The following JARID2 variants were observed in gnomAD, a reference collection of about 807,000 sequenced individuals.
The protein encoded by JARID2 is jumonji and AT-rich interaction domain containing 2, also known as protein Jumonji.
Under a neutral mutation model 125.6 loss-of-function variants are expected in JARID2, and 21 were observed. The observed-to-expected ratio is 0.17, with a 90% CI of 0.12 to 0.24. JARID2 has a LOEUF of 0.24. JARID2 is among the 10% of genes least tolerant of loss of function. JARID2 has a pLI of 1.00. For missense variants in JARID2, 1,303 were observed against 1,639.6 expected (o/e 0.79, Z 3.55); for synonymous variants, 736 against 661.6 (o/e 1.11, Z -1.73).
At chr6:15,501,546 G>A (rs1018809822) in intron 8 of JARID2, 137 bp downstream of exon 8, 3 of 748,458 alleles carry the variant, frequency 4.0e-6, no homozygotes, top group Non-Finnish European at 2.1e-6. Context: ...ACTGTGCTGG[G>A]TGATAGCGCT....
intron 3 of JARID2, among the ~76,000 whole-genome samples, chr6:15,423,111 T>C (rs577775154): frequency 1.3e-5 from 2 of 152,048 alleles, no homozygotes; most frequent in East Asian, 3.9e-4. Context: ...GTGATCCTCC[T>C]GTCTCAGCCT....
chr6:15,496,637 G>T lies in JARID2; in HGVS notation c.1412G>T (p.Gly471Val). The change falls in exon 7 of 18, where the codon GGC becomes GTC. Residue 471 changes from glycine to valine, a missense_variant. Coordinates refer to ENST00000341776, the MANE Select transcript of JARID2 (RefSeq NM_004973.4). ...GCGGCTGGCCCCGCCGAAGGCCCTGGCAAGAAGGCCCCGGCCGAGAGAGGT... is the reference window on the plus strand; with the variant it reads ...GCGGCTGGCCCCGCCGAAGGCCCTGTCAAGAAGGCCCCGGCCGAGAGAGGT... ...KGAAGPAEGP[G>V]KKAPAERGLL... 2 of 1,610,832 alleles carry T rather than the reference G, an allele frequency of 1.2e-6. No homozygotes were observed. Among genetic ancestry groups the T allele is most frequent in the Non-Finnish European group, 1.7e-6 (2 of 1,179,274 alleles).
intron 1 of JARID2, among the ~76,000 whole-genome samples, chr6:15,343,989 C>T (rs893447597): frequency 8.5e-5 from 13 of 152,130 alleles, no homozygotes; most frequent in African/African-American, 2.2e-4. Flanking sequence ...GGAGAGGACC[C>T]GGACCTGAGA....
chr6:15,395,174 G>T (rs1357051622), intron 2 of JARID2, among the ~76,000 whole-genome samples: 1 of 152,114 alleles, frequency 6.6e-6, no homozygotes, highest in Non-Finnish European at 1.5e-5. Context: ...TCTTTTGAAA[G>T]ATTTTATCAG....
chr6:15,453,519 G>A (rs992132550), intron 4 of JARID2, among the ~76,000 whole-genome samples: 12 of 152,166 alleles, frequency 7.9e-5, no homozygotes, highest in Non-Finnish European at 1.3e-4. Context: ...CTGATCATTC[G>A]ACTGTGGTGG....
chr6:15,497,000 C>T lies in JARID2; in HGVS notation c.1775C>T (p.Pro592Leu), dbSNP rs1377188510. The T allele has an allele frequency of 6.2e-7, 1 of 1,614,042 alleles. No homozygotes were observed. The highest frequency in any genetic ancestry group is 1.7e-5 in the Admixed American group (1 of 60,020). The change falls in exon 7 of 18, where the codon CCT (proline) becomes CTT (leucine). Residue 592 changes from proline to leucine, a missense_variant. Transcript: ENST00000341776. ...TTCGGGATGTGCAGGGTGATCCCCC[C>T]TCCGGACTGGCGGCCCGAGTGCAAG... ...EKFGMCRVIPPPDWRPECKLN... is the reference protein window; with the variant it reads ...EKFGMCRVIPLPDWRPECKLN...
At chr6:15,410,022 C>T (rs776382205) in intron 2 of JARID2, among the ~76,000 whole-genome samples, 22 of 152,178 alleles carry the variant, frequency 1.4e-4, no homozygotes, top group Non-Finnish European at 2.4e-4. Flanking sequence ...TTGTTTCCCT[C>T]TTAGGCATTT....
At chr6:15,493,815 A>ACT (rs1348815440) in intron 6 of JARID2, among the ~76,000 whole-genome samples, 2 of 152,258 alleles carry the variant, frequency 1.3e-5, no homozygotes, top group Admixed American at 6.5e-5. Context: ...TGCATTCCTC[A>ACT]CTATACCTCC....
chr6:15,461,182 C>T lies in JARID2; in HGVS notation c.494-7360C>T, dbSNP rs181821925. 2.0e-5 allele frequency among the ~76,000 whole-genome samples: 3 copies of T among 152,224 alleles called. No individual in the cohort carries two copies. In the South Asian group the frequency reaches 6.2e-4, roughly 32 times the overall value. On this transcript the variant is annotated intron_variant, in intron 4 of 17. Coordinates refer to ENST00000341776, the MANE Select transcript of JARID2 (RefSeq NM_004973.4). ...GTGTATTTGAATGTGTTTTAAATTG[C>T]CAGTGCAGACAACAATATAGGAAGG...
intron 2 of JARID2, among the ~76,000 whole-genome samples, chr6:15,386,417 T>C (rs149727458): frequency 6.6e-6 from 1 of 152,320 alleles, no homozygotes; most frequent in African/African-American, 2.4e-5. Flanking sequence ...TGAGCAACAC[T>C]CCAGTGTAGA....
rs375814485 is a variant in JARID2, at chr6:15,422,044, TTTAGC to T, written c.323+11683_323+11687del. On this transcript the variant is annotated intron_variant, in intron 3 of 17. Transcript: ENST00000341776. ...AGCGATGGATAGAAAGGGGAAAAGTTTTAGCTTATCTTGAGCAGAACCTACAGCTC... is the reference window on the plus strand; with the variant it reads ...AGCGATGGATAGAAAGGGGAAAAGTTTTATCTTGAGCAGAACCTACAGCTC... Among the ~76,000 whole-genome samples the T allele has an allele frequency of 5.0e-3, 756 of 152,292 alleles. 8 individuals carry two copies. The highest frequency in any genetic ancestry group is 0.018 in the African/African-American group (731 of 41,546).
intron 2 of JARID2, among the ~76,000 whole-genome samples, chr6:15,395,510 C>G (rs1036741656): frequency 6.6e-6 from 1 of 152,164 alleles, no homozygotes; most frequent in African/African-American, 2.4e-5. Flanking sequence ...TGTGATCCAC[C>G]TGCCTCAGCC....
chr6:15,324,800 AGTTAATATTT>A (rs1233400125), intron 1 of JARID2, among the ~76,000 whole-genome samples: 3 of 150,528 alleles, frequency 2.0e-5, no homozygotes, highest in African/African-American at 7.3e-5. Context: ...CTGCTTTTTG[AGTTAATATTT>A]GTTTGGAGCA....
intron 2 of JARID2, among the ~76,000 whole-genome samples, chr6:15,398,025 T>C (rs1765282804): frequency 6.6e-6 from 1 of 152,208 alleles, no homozygotes; most frequent in African/African-American, 2.4e-5. Flanking sequence ...CGGATGGATC[T>C]TAGTAACTTG....
intron 3 of JARID2, among the ~76,000 whole-genome samples, chr6:15,438,786 T>C (rs994637473): frequency 6.6e-6 from 1 of 152,148 alleles, no homozygotes; most frequent in Admixed American, 6.5e-5. Context: ...CCCAGCACTT[T>C]GGGAGGCCAA....
At chr6:15,266,520 T>C (rs1289687313) in intron 1 of JARID2, among the ~76,000 whole-genome samples, 2 of 152,202 alleles carry the variant, frequency 1.3e-5, no homozygotes, top group Non-Finnish European at 2.9e-5. Flanking sequence ...ATGGTCATTG[T>C]TGTCAGCCTA....
intron 3 of JARID2, among the ~76,000 whole-genome samples, chr6:15,447,154 C>T (rs180709682): frequency 9.8e-4 from 149 of 152,296 alleles, no homozygotes; most frequent in African/African-American, 3.4e-3. Flanking sequence ...TCTATTCCCT[C>T]ACCCCCACTG....
In JARID2 at chr6:15,454,614, C is replaced by T. The variant is rs527288355; in HGVS notation, c.493+2439C>T. Reference sequence around the variant, plus strand: ...TGCCTCAACCTCTCCAATAGCTAGACCTACAGGCGCAGGCAACCACACCCA... The same window carrying T: ...TGCCTCAACCTCTCCAATAGCTAGATCTACAGGCGCAGGCAACCACACCCA... On this transcript the variant is annotated intron_variant, in intron 4 of 17. Transcript: ENST00000341776. 3.3e-5 allele frequency among the ~76,000 whole-genome samples: 5 copies of T among 151,864 alleles called. No homozygotes were observed. In the East Asian group the frequency reaches 7.8e-4, roughly 24 times the overall value.
chr6:15,350,494 C>G (rs1441474213), intron 1 of JARID2, among the ~76,000 whole-genome samples: 3 of 152,158 alleles, frequency 2.0e-5, no homozygotes, highest in Non-Finnish European at 2.9e-5. Flanking sequence ...GTGTTACTGA[C>G]TTAGCTGATT....
Sources: gnomAD v4.1 joint callset for allele counts (sites outside exome capture counted in the v4.1 genomes callset) on GRCh38, gnomAD v4.1.1 for gene constraint, MANE v1.5 for transcripts, NCBI Gene and HGNC (gene_info 2026-07-23, HGNC 2026-07-21) for gene names.